The following CLVS1 variants were observed in gnomAD, a reference collection of about 807,000 sequenced individuals.
CLVS1 encodes the protein clavesin-1.
Under a neutral mutation model 33.1 loss-of-function variants are expected in CLVS1, and 10 were observed. That is an observed-to-expected ratio of 0.30 (90% confidence interval 0.19 to 0.51). CLVS1 has a LOEUF of 0.51. Ranked by LOEUF, CLVS1 falls within the 20% of genes least tolerant of loss-of-function variation. The pLI is 0.97. For synonymous variants in CLVS1, 163 were observed against 166.1 expected (o/e 0.98, Z 0.14); for missense variants, 343 against 433.4 (o/e 0.79, Z 1.85).
chr8:61,081,902 T>C (rs1045411699), intron 1 of CLVS1, among the ~76,000 whole-genome samples: 2 of 152,160 alleles, frequency 1.3e-5, no homozygotes, highest in Non-Finnish European at 1.5e-5. Flanking sequence ...GTACATCCCA[T>C]TCAGCTTTCA....
In CLVS1 at chr8:61,456,073, C is replaced by T. The variant is rs57368119; in HGVS notation, c.741+1822C>T. On this transcript the variant is annotated intron_variant, in intron 4 of 5. Transcript: ENST00000325897. ...GCTTCAGGCTTTCCAGCAACTTATT[C>T]TTCTATTCAGGTTGGAGCGAGAGAG... Among the ~76,000 whole-genome samples the T allele has an allele frequency of 7.5e-3, 1,139 of 152,292 alleles. 3 individuals are homozygous for T. Among genetic ancestry groups the T allele is most frequent in the African/African-American group, 0.026 (1,096 of 41,546 alleles).
intron 3 of CLVS1, among the ~76,000 whole-genome samples, chr8:61,386,730 T>C (rs62524959): frequency 0.57 from 86,588 of 152,088 alleles, 28,986 homozygotes; most frequent in Non-Finnish European, 0.73. Context: ...TTTTCTAGTC[T>C]ACGGTAAATA....
intron 2 of CLVS1, among the ~76,000 whole-genome samples, chr8:61,327,040 TA>T (rs1195562953): frequency 6.6e-6 from 1 of 152,208 alleles, no homozygotes; most frequent in Non-Finnish European, 1.5e-5. Context: ...TGAGCTAAAG[TA>T]GATCTCTTTA....
intron 2 of CLVS1, among the ~76,000 whole-genome samples, chr8:61,261,034 AAG>A (rs1809192658): frequency 6.6e-6 from 1 of 152,174 alleles, no homozygotes; most frequent in African/African-American, 2.4e-5. Context: ...CTATATTTTA[AAG>A]AGACACCTGA....
At chr8:61,175,347 A>G (rs1019056393) in intron 2 of CLVS1, among the ~76,000 whole-genome samples, 1 of 152,192 alleles carries the variant, frequency 6.6e-6, no homozygotes, top group African/African-American at 2.4e-5. Context: ...AGAAGGCACC[A>G]TCTATGAACC....
chr8:61,052,761 T>G (rs1034236958), upstream of CLVS1, among the ~76,000 whole-genome samples: 1 of 152,142 alleles, frequency 6.6e-6, no homozygotes, highest in African/African-American at 2.4e-5. Flanking sequence ...AGTTTCCCTC[T>G]GAGTGAGTTG....
intron 1 of CLVS1, among the ~76,000 whole-genome samples, chr8:61,075,516 C>A (rs1804894703): frequency 1.3e-5 from 2 of 152,150 alleles, no homozygotes; most frequent in African/African-American, 4.8e-5. Context: ...AAATGAAGTA[C>A]CTTTTACATT....
At position 61,447,507 on chromosome 8, in the gene CLVS1, G is replaced by A. The variant is rs538066370; in HGVS notation, c.631-6634G>A. ...GTTACTTGTACTTCCTTTTCAAATT[G>A]TTTTTATTTATCTATAGTATTATTA... On this transcript the variant is annotated intron_variant, in intron 3 of 5. Coordinates refer to ENST00000325897, the MANE Select transcript of CLVS1 (RefSeq NM_173519.3). Among the ~76,000 whole-genome samples the A allele has an allele frequency of 1.1e-4, 16 of 150,146 alleles. No homozygotes were observed. In the South Asian group the frequency reaches 3.4e-3, roughly 32 times the overall value.
At chr8:61,365,772 T>C (rs950278083) in intron 2 of CLVS1, among the ~76,000 whole-genome samples, 3 of 142,832 alleles carry the variant, frequency 2.1e-5, no homozygotes, top group African/African-American at 6.0e-5. Flanking sequence ...TGTGTGTGTG[T>C]GTGCGTGTGT....
intron 2 of CLVS1, among the ~76,000 whole-genome samples, chr8:61,333,269 C>T (rs893728827): frequency 2.0e-5 from 3 of 152,100 alleles, no homozygotes; most frequent in East Asian, 1.9e-4. Context: ...AATAGGTAAA[C>T]ACCATAGTAA....
the CLVS1 span, among the ~76,000 whole-genome samples, chr8:61,037,601 C>T: frequency 4.6e-5 from 7 of 152,308 alleles, no homozygotes; most frequent in Non-Finnish European, 8.8e-5. Flanking sequence ...TGTGGGTCTA[C>T]GTAAGCACTT....
chr8:61,238,013 G>A (rs1585713154), intron 2 of CLVS1, among the ~76,000 whole-genome samples: 2 of 152,216 alleles, frequency 1.3e-5, no homozygotes, highest in Admixed American at 6.5e-5. Context: ...TTTAATTACT[G>A]GTTTGGTCTG....
At chr8:61,403,750 A>T (rs1288373660) in intron 3 of CLVS1, among the ~76,000 whole-genome samples, 1 of 152,194 alleles carries the variant, frequency 6.6e-6, no homozygotes, top group Non-Finnish European at 1.5e-5. Flanking sequence ...CATTGTAAAC[A>T]TTAAATATTC....
chr8:61,402,583 A>C (rs1814813801), intron 3 of CLVS1, among the ~76,000 whole-genome samples: 1 of 152,236 alleles, frequency 6.6e-6, no homozygotes, highest in African/African-American at 2.4e-5. Context: ...ATTAAATACT[A>C]AAATGAACAG....
At chr8:61,355,090 C>T (rs948131543) in intron 2 of CLVS1, among the ~76,000 whole-genome samples, 3 of 152,158 alleles carry the variant, frequency 2.0e-5, no homozygotes, top group African/African-American at 4.8e-5. Context: ...ACAAATTTAT[C>T]TTGTCACCAC....
At chr8:61,236,907 T>C (rs1232181297) in intron 2 of CLVS1, among the ~76,000 whole-genome samples, 3 of 152,154 alleles carry the variant, frequency 2.0e-5, no homozygotes, top group Non-Finnish European at 4.4e-5. Context: ...CATCTGCACC[T>C]CTGACTGCCT....
intron 1 of CLVS1, among the ~76,000 whole-genome samples, chr8:61,129,108 A>G (rs1234889564): frequency 6.6e-6 from 1 of 152,254 alleles, no homozygotes; most frequent in Non-Finnish European, 1.5e-5. Flanking sequence ...CCCTCAGCTG[A>G]TTCACTGTTG....
chr8:61,252,370 G>A (rs891595459), intron 2 of CLVS1, among the ~76,000 whole-genome samples: 1 of 152,150 alleles, frequency 6.6e-6, no homozygotes, highest in Non-Finnish European at 1.5e-5. Context: ...GCATGATGAG[G>A]TGCTGAGAAG....
At chr8:60,989,479 C>A in the CLVS1 span, among the ~76,000 whole-genome samples, 1 of 152,188 alleles carries the variant, frequency 6.6e-6, no homozygotes, top group Non-Finnish European at 1.5e-5. Context: ...ACACTCCTTT[C>A]CACTTAGTCC....
Sources: allele counts gnomAD v4.1 joint callset (sites outside exome capture counted in the v4.1 genomes callset), GRCh38; gene constraint gnomAD v4.1.1; transcripts MANE v1.5; gene names NCBI Gene and HGNC (gene_info 2026-07-23, HGNC 2026-07-21).